The following GTF2F2 variants were observed in gnomAD, a reference collection of about 807,000 sequenced individuals.
GTF2F2 encodes the protein general transcription factor IIF subunit 2.
In GTF2F2, 23 loss-of-function variants were observed where a neutral mutation model predicts 42.2. The ratio of observed to expected loss-of-function variants is 0.55; its 90% CI spans 0.39 to 0.77. The LOEUF is 0.77. Ranked by LOEUF, GTF2F2 falls within the 30% of genes least tolerant of loss-of-function variation. The probability of loss-of-function intolerance (pLI) is 0.00; values close to 1 mark genes in which losing one functional copy is unlikely to be tolerated. For missense variants in GTF2F2, 261 were observed against 287.2 expected, an observed-to-expected ratio of 0.91 and a Z score of 0.66; for synonymous variants, 105 against 100.8, an observed-to-expected ratio of 1.04 and a Z score of -0.25.
At chr13:45,142,391 C>T (rs1388749291) in intron 2 of GTF2F2, among the ~76,000 whole-genome samples, 1 of 152,166 alleles carries the variant, frequency 6.6e-6, no homozygotes, top group African/African-American at 2.4e-5. Flanking sequence ...TGGTCTTGAA[C>T]TCCTGACCTC....
At chr13:45,166,457 T>G (rs1391561484) in intron 4 of GTF2F2, among the ~76,000 whole-genome samples, 2 of 152,180 alleles carry the variant, frequency 1.3e-5, no homozygotes, top group Non-Finnish European at 1.5e-5. Flanking sequence ...GATAAGGAAA[T>G]GACAGAATAG....
chr13:45,151,180 C>T (rs1456677635), intron 3 of GTF2F2, among the ~76,000 whole-genome samples: 2 of 151,970 alleles, frequency 1.3e-5, no homozygotes, highest in African/African-American at 2.4e-5. Context: ...TCTTTAGGTC[C>T]GTGTCTACCC....
chr13:45,232,992 C>T (rs1419262608), intron 5 of GTF2F2, among the ~76,000 whole-genome samples: 1 of 152,144 alleles, frequency 6.6e-6, no homozygotes, highest in African/African-American at 2.4e-5. Context: ...CCATCTGTTA[C>T]AAAATTTGTA....
chr13:45,143,259 A>G (rs1034035409), intron 2 of GTF2F2, among the ~76,000 whole-genome samples: 3 of 152,210 alleles, frequency 2.0e-5, no homozygotes, highest in African/African-American at 4.8e-5. Context: ...GTTATAGGTT[A>G]TAGGTTACCT....
intron 7 of GTF2F2, among the ~76,000 whole-genome samples, chr13:45,272,922 ATT>A (rs748355143): frequency 1.0e-5 from 1 of 96,312 alleles, no homozygotes. Flanking sequence ...CACCTGGCTA[ATT>A]TTTTTTTTTT....
chr13:45,282,643 T>A (rs1877311711), intron 7 of GTF2F2, among the ~76,000 whole-genome samples: 1 of 152,208 alleles, frequency 6.6e-6, no homozygotes, highest in African/African-American at 2.4e-5. Flanking sequence ...TAGCTGGGAT[T>A]ACAGGTTCCC....
In GTF2F2 at chr13:45,120,726, T is replaced by C. The variant is rs950047811; in HGVS notation, c.66+5T>C. On this transcript the variant is annotated splice_donor_5th_base_variant and intron_variant, in intron 1 of 7. Transcript: ENST00000340473. ...ACAGGAGTGTGGCTAGTCAAGGTAA[T>C]GTTCGCGAGTCTCCCACTTGCGCTC... The C allele has an allele frequency of 5.2e-6, 8 of 1,550,102 alleles. No individual in the cohort carries two copies. In the East Asian group the frequency reaches 7.2e-5, roughly 14 times the overall value.
chr13:45,253,007 T>A, intron 6 of GTF2F2, 37 bp downstream of exon 6: 1 of 853,810 alleles, frequency 1.2e-6, no homozygotes, highest in East Asian at 2.9e-5. Flanking sequence ...TTCTTTTATA[T>A]CTTCATTCTT....
chr13:45,192,683 A>G (rs984722349), intron 4 of GTF2F2, among the ~76,000 whole-genome samples: 1 of 152,192 alleles, frequency 6.6e-6, no homozygotes, highest in African/African-American at 2.4e-5. Context: ...ATAAAACGTA[A>G]TTTTTAAAAA....
At chr13:45,203,267 T>C (rs1196128245) in intron 4 of GTF2F2, among the ~76,000 whole-genome samples, 21 of 151,208 alleles carry the variant, frequency 1.4e-4, no homozygotes, top group African/African-American at 5.1e-4. Context: ...GGATTTTTAG[T>C]AGAGAGACGG....
chr13:45,259,743 C>T (rs1350193446), intron 6 of GTF2F2, among the ~76,000 whole-genome samples: 2 of 148,716 alleles, frequency 1.3e-5, no homozygotes, highest in South Asian at 2.1e-4. Context: ...CTGCAAGCTC[C>T]GCCTCCCGGA....
chr13:45,264,941 C>T (rs1876501261), intron 6 of GTF2F2, among the ~76,000 whole-genome samples: 2 of 152,186 alleles, frequency 1.3e-5, no homozygotes, highest in South Asian at 4.1e-4. Flanking sequence ...AGTATACCAT[C>T]ACTTCTCTGC....
intron 4 of GTF2F2, among the ~76,000 whole-genome samples, chr13:45,164,683 G>A (rs1427621590): frequency 1.3e-5 from 2 of 152,086 alleles, no homozygotes; most frequent in African/African-American, 4.8e-5. Flanking sequence ...CAGTGATTGT[G>A]CCACTGCACT....
chr13:45,223,523 C>A (rs918050418), intron 5 of GTF2F2, among the ~76,000 whole-genome samples: 3 of 152,042 alleles, frequency 2.0e-5, no homozygotes, highest in Non-Finnish European at 4.4e-5. Flanking sequence ...TATTGAATGC[C>A]ATATGGTGTT....
At chr13:45,187,360 A>G (rs1209536017) in intron 4 of GTF2F2, among the ~76,000 whole-genome samples, 1 of 152,166 alleles carries the variant, frequency 6.6e-6, no homozygotes, top group African/African-American at 2.4e-5. Context: ...GAATTTGTGT[A>G]TTTTATTATA....
intron 1 of GTF2F2, among the ~76,000 whole-genome samples, chr13:45,124,873 T>A (rs889457340): frequency 3.9e-5 from 6 of 152,170 alleles, no homozygotes; most frequent in African/African-American, 1.2e-4. Flanking sequence ...CAAGACAGGG[T>A]TTCACCATGT....
chr13:45,245,993 T>TA (rs1875585675), intron 5 of GTF2F2, among the ~76,000 whole-genome samples: 1 of 63,992 alleles, frequency 1.6e-5, no homozygotes, highest in Non-Finnish European at 2.9e-5. Context: ...CAACATCTAT[T>TA]ATTTATTTAT....
At chr13:45,276,300 A>G (rs1264259808) in intron 7 of GTF2F2, among the ~76,000 whole-genome samples, 1 of 152,188 alleles carries the variant, frequency 6.6e-6, no homozygotes, top group African/African-American at 2.4e-5. Context: ...CATTGTTTCT[A>G]CGTTGGGACT....
At chr13:45,224,128 A>G (rs1002366614) in intron 5 of GTF2F2, among the ~76,000 whole-genome samples, 5 of 152,198 alleles carry the variant, frequency 3.3e-5, no homozygotes, top group African/African-American at 9.7e-5. Flanking sequence ...AAATGCCTTC[A>G]TACACCATCA....
Sources: gnomAD v4.1 joint callset for allele counts (sites outside exome capture counted in the v4.1 genomes callset) on GRCh38, gnomAD v4.1.1 for gene constraint, MANE v1.5 for transcripts, NCBI Gene and HGNC (gene_info 2026-07-23, HGNC 2026-07-21) for gene names.